Variants in SNAPC3 observed in about 807,000 individuals in gnomAD.
The protein encoded by SNAPC3 is snRNA-activating protein complex subunit 3.
In SNAPC3, 56 loss-of-function variants were observed where a neutral mutation model predicts 47.7. The ratio of observed to expected loss-of-function variants is 1.18; its 90% CI spans 0.95 to 1.47. The LOEUF (loss-of-function observed/expected upper bound fraction) is 1.47. Among genes scored for constraint, SNAPC3 ranks in the 40% most tolerant of loss-of-function variants. The pLI is 0.00. For synonymous variants in SNAPC3, 235 were observed against 189.9 expected (o/e 1.24, Z -1.95); for missense variants, 665 against 511.3 (o/e 1.30, Z -2.90).
intron 2 of SNAPC3, among the ~76,000 whole-genome samples, chr9:15,427,095 C>A (rs2031505351): frequency 6.6e-6 from 1 of 152,194 alleles, no homozygotes; most frequent in South Asian, 2.1e-4. Context: ...CTTTTTCTTT[C>A]CCACATCAAA....
chr9:15,434,345 T>G (rs1434009450), intron 3 of SNAPC3, among the ~76,000 whole-genome samples: 1 of 152,004 alleles, frequency 6.6e-6, no homozygotes, highest in African/African-American at 2.4e-5. Flanking sequence ...CTTCTTTCTC[T>G]ATGAATTTGT....
downstream of SNAPC3, chr9:15,465,661 AT>A: frequency 8.3e-7 from 1 of 1,205,104 alleles, no homozygotes; most frequent in Non-Finnish European, 1.2e-6. Context: ...TCTGCATTAT[AT>A]TTTTAAACCC....
chr9:15,450,348 A>T (rs2034297032), intron 5 of SNAPC3, among the ~76,000 whole-genome samples: 1 of 152,204 alleles, frequency 6.6e-6, no homozygotes, highest in Admixed American at 6.5e-5. Flanking sequence ...AGAAAGAAAA[A>T]TGGAAGCTTC....
intron 8 of SNAPC3, 142 bp downstream of exon 8, chr9:15,458,209 T>C (rs2034945947): frequency 1.9e-6 from 1 of 530,338 alleles, no homozygotes; most frequent in Non-Finnish European, 3.3e-6. Flanking sequence ...TGCCAGAAAA[T>C]CAATTTAGTG....
intron 5 of SNAPC3, 35 bp downstream of exon 5, chr9:15,447,279 TAAC>T (rs1212968712): frequency 1.2e-6 from 2 of 1,600,116 alleles, no homozygotes; most frequent in East Asian, 4.5e-5. Context: ...CAAAAGGAAA[TAAC>T]AAGCTAAGAA....
intron 7 of SNAPC3, 83 bp downstream of exon 7, chr9:15,453,288 A>G: frequency 8.9e-7 from 1 of 1,122,372 alleles, no homozygotes; most frequent in South Asian, 1.7e-5. Flanking sequence ...TTTTTTAAAA[A>G]TAAGAGGAGT....
intron 5 of SNAPC3, among the ~76,000 whole-genome samples, chr9:15,450,462 A>G (rs1334256668): frequency 1.3e-5 from 2 of 152,230 alleles, no homozygotes; most frequent in Non-Finnish European, 2.9e-5. Context: ...CAATCCTGTA[A>G]GACATCGTGG....
intron 4 of SNAPC3, among the ~76,000 whole-genome samples, chr9:15,445,720 G>T (rs1459929960): frequency 6.6e-6 from 1 of 152,116 alleles, no homozygotes; most frequent in Non-Finnish European, 1.5e-5. Context: ...AGGCTGAGGT[G>T]GGCTGATCAC....
intron 3 of SNAPC3, among the ~76,000 whole-genome samples, chr9:15,441,481 A>C (rs1587282934): frequency 1.5e-5 from 2 of 137,212 alleles, no homozygotes; most frequent in South Asian, 4.6e-4. Flanking sequence ...TAGTGGAGGG[A>C]AGGTCAGCAG....
At chr9:15,451,844 A>C (rs1284854975) in intron 6 of SNAPC3, among the ~76,000 whole-genome samples, 1 of 152,100 alleles carries the variant, frequency 6.6e-6, no homozygotes, top group Non-Finnish European at 1.5e-5. Context: ...TGATGGTGAT[A>C]TATATATATT....
At chr9:15,440,547 T>A (rs2131840042) in intron 3 of SNAPC3, among the ~76,000 whole-genome samples, 1 of 152,330 alleles carries the variant, frequency 6.6e-6, no homozygotes, top group South Asian at 2.1e-4. Context: ...ATTTAAAAGC[T>A]GAACACAGTG....
rs368772165 is a variant in SNAPC3 at position 15,458,077 on chromosome 9, A to C, written c.1088+10A>C. The C allele has an allele frequency of 2.0e-5, 28 of 1,369,558 alleles. No homozygotes were observed. In the Admixed American group the frequency reaches 8.7e-4, roughly 43 times the overall value. 84.8% of individuals were successfully genotyped at this position (1,369,558 alleles called of 1,614,324 possible). A position where few individuals can be genotyped will look rare whatever the true frequency, so the allele number is the denominator to read the frequency against. On this transcript the variant is annotated intron_variant, in intron 8 of 8. Transcript: ENST00000380821. ...AAATGTATACAGCCAGGTGAGTGAT[A>C]ATGTATTTTTTTTTTTCTCTGAGAA...
chr9:15,433,872 C>T, intron 3 of SNAPC3: 1 of 357,330 alleles, frequency 2.8e-6, no homozygotes, highest in Non-Finnish European at 5.0e-6. Flanking sequence ...TTTTATCTTG[C>T]TTTCGGTATT....
At chr9:15,466,272 G>T (rs1378069595), downstream of SNAPC3, among the ~76,000 whole-genome samples, 1 of 151,838 alleles carries the variant, frequency 6.6e-6, no homozygotes, top group African/African-American at 2.4e-5. Flanking sequence ...CCAGCTACTT[G>T]GGAGGCTGAG....
At chr9:15,429,955 A>G (rs1196810231) in intron 2 of SNAPC3, among the ~76,000 whole-genome samples, 2 of 152,218 alleles carry the variant, frequency 1.3e-5, no homozygotes, top group East Asian at 1.9e-4. Context: ...TGCTGATATC[A>G]GACAAATAGT....
At chr9:15,448,408 G>A (rs2131899297) in intron 5 of SNAPC3, among the ~76,000 whole-genome samples, 1 of 152,144 alleles carries the variant, frequency 6.6e-6, no homozygotes, top group African/African-American at 2.4e-5. Context: ...TTTGAACATG[G>A]TAGGAAGCCC....
rs912245885 is a variant in SNAPC3, at chr9:15,437,586, A to C, written c.477+3950A>C. On this transcript the variant is annotated intron_variant, in intron 3 of 8. Coordinates refer to ENST00000380821, the MANE Select transcript of SNAPC3 (RefSeq NM_001039697.2). The stretch of plus-strand genomic sequence containing the variant: ...CATGAAAGGGTGTTAGATTTTGTCA[A>C]ATGCTTTTCTGTGTCAGTCGAGGTA... Among the ~76,000 whole-genome samples, 12 of 149,696 alleles carry C rather than the reference A, an allele frequency of 8.0e-5. No homozygotes were observed. In the East Asian group the frequency reaches 2.3e-3, roughly 29 times the overall value.
Position 15,450,322 on chromosome 9 carries a change from TGGGGGAA to T in SNAPC3, c.733-997_733-991del, listed in dbSNP as rs1354923266. ...ATGCGAACACAAGATAATCTGTAAG[TGGGGGAA>T]TGAAGACAAGAAAGAAAAATGGAAG... is the stretch of plus-strand genomic sequence containing the variant. On this transcript the variant is annotated intron_variant, in intron 5 of 8. Coordinates refer to ENST00000380821, the MANE Select transcript of SNAPC3 (RefSeq NM_001039697.2). Among the ~76,000 whole-genome samples, 347 of 152,068 alleles carry T rather than the reference TGGGGGAA, an allele frequency of 2.3e-3. 4 individuals are homozygous for T. The highest frequency in any genetic ancestry group is 5.4e-4 in the Non-Finnish European group (37 of 67,980).
At chr9:15,457,846 A>G (rs2034912705) in intron 7 of SNAPC3, 114 bp from the exon 8 acceptor site, 6 of 664,042 alleles carry the variant, frequency 9.0e-6, no homozygotes, top group Non-Finnish European at 1.3e-5. Flanking sequence ...TTGTAAGCAA[A>G]AATTGAAAGT....
Sources: allele counts gnomAD v4.1 joint callset (sites outside exome capture counted in the v4.1 genomes callset), GRCh38; gene constraint gnomAD v4.1.1; transcripts MANE v1.5; gene names NCBI Gene and HGNC (gene_info 2026-07-23, HGNC 2026-07-21).